The following DPY19L1 variants were observed in gnomAD, a reference collection of about 807,000 sequenced individuals.
DPY19L1 encodes the protein dpy-19 like C-mannosyltransferase 1, also known as protein C-mannosyl-transferase DPY19L1.
Under a neutral mutation model 96.9 loss-of-function variants are expected in DPY19L1, and 35 were observed. The observed-to-expected ratio is 0.36, with a 90% CI of 0.28 to 0.48. The LOEUF (loss-of-function observed/expected upper bound fraction) is 0.48. Among genes scored for constraint, DPY19L1 ranks in the 20% least tolerant of loss-of-function variants. The pLI, the probability that DPY19L1 is intolerant of heterozygous loss-of-function variation, is 0.99. For missense variants in DPY19L1, 521 were observed against 777.9 expected, an observed-to-expected ratio of 0.67 and a Z score of 3.93; for synonymous variants, 205 against 252.6, an observed-to-expected ratio of 0.81 and a Z score of 1.79.
rs372942369 is a variant in DPY19L1 at position 34,972,192 on chromosome 7, C to A, written c.914+1322G>T. On this transcript the variant is annotated intron_variant, in intron 8 of 21. Coordinates refer to ENST00000638088, the MANE Select transcript of DPY19L1 (RefSeq NM_001366673.1). ...GCTAGAAAAGCCAAGAAAATTGATT[C>A]TCTCCCCTCCCACTCTGTGCCTTCA... Among the ~76,000 whole-genome samples, 77 of 152,336 alleles carry A rather than the reference C, an allele frequency of 5.1e-4. No individual in the cohort carries two copies. In the South Asian group the frequency reaches 0.016, roughly 31 times the overall value.
Position 34,941,775 on chromosome 7 carries a change from C to T in DPY19L1, c.1679G>A (p.Cys560Tyr), listed in dbSNP as rs754508960. 18 of 1,598,994 alleles carry T rather than the reference C, an allele frequency of 1.1e-5. No individual in the cohort carries two copies. Among genetic ancestry groups the T allele is most frequent in the Non-Finnish European group, 1.5e-5 (18 of 1,176,406 alleles). ...PHMCVMASLI[C>Y]SRQLFGWLFC... ...AACATAACATGTTACCTGTCTTGAG[C>T]AGATCAGTGATGCCATAACACACAT... The change falls in exon 18 of 22, where the codon TGC becomes TAC. Residue 560 changes from cysteine (C) to tyrosine (Y), a missense_variant. Transcript: ENST00000638088.
chr7:34,958,424 TA>T (rs1784424064), intron 10 of DPY19L1, among the ~76,000 whole-genome samples: 1 of 152,242 alleles, frequency 6.6e-6, no homozygotes, highest in Non-Finnish European at 1.5e-5. Context: ...TAAGAACTGG[TA>T]AAAGTATTCT....
At chr7:34,949,562 A>G (rs1260944381) in intron 14 of DPY19L1, among the ~76,000 whole-genome samples, 7 of 152,220 alleles carry the variant, frequency 4.6e-5, no homozygotes. Flanking sequence ...TTACTCACCT[A>G]GAAAACCACT....
chr7:34,961,038 A>C (rs1455832526), intron 10 of DPY19L1, among the ~76,000 whole-genome samples: 1 of 152,188 alleles, frequency 6.6e-6, no homozygotes, highest in Admixed American at 6.5e-5. Context: ...TAAATACATG[A>C]AGTGTTATTC....
At chr7:34,962,799 G>C (rs1415772522) in intron 10 of DPY19L1, among the ~76,000 whole-genome samples, 1 of 152,186 alleles carries the variant, frequency 6.6e-6, no homozygotes, top group Non-Finnish European at 1.5e-5. Context: ...TTTATCAATT[G>C]TAACAAATGT....
rs62463585 is a variant in DPY19L1, at chr7:35,007,611, A to G, written c.764+2857T>C. On this transcript the variant is annotated intron_variant, in intron 6 of 21. Transcript: ENST00000638088. ...GTGGTGTGTGTGTGTGTGTGTGTGT[A>G]TATATATATTTATAGCAAATAGAAG... Among the ~76,000 whole-genome samples, 618 of 72,702 alleles carry G rather than the reference A, an allele frequency of 8.5e-3. 3 individuals carry two copies. The highest frequency in any genetic ancestry group is 0.027 in the African/African-American group (556 of 20,238). The allele number at this position is 72,702 out of a possible 152,430, so 47.7% of individuals were successfully genotyped here.
intron 10 of DPY19L1, among the ~76,000 whole-genome samples, chr7:34,960,374 T>C (rs958936801): frequency 7.9e-5 from 12 of 152,150 alleles, no homozygotes; most frequent in Non-Finnish European, 1.6e-4. Context: ...TATAGATTCC[T>C]GCATATTTTC....
chr7:35,001,055 T>C (rs185901692), intron 6 of DPY19L1, among the ~76,000 whole-genome samples: 1 of 152,352 alleles, frequency 6.6e-6, no homozygotes, highest in Admixed American at 6.5e-5. Context: ...TTAATATCCT[T>C]GTGTCTCAGT....
At chr7:34,998,342 C>A (rs1785340329) in intron 6 of DPY19L1, among the ~76,000 whole-genome samples, 1 of 152,172 alleles carries the variant, frequency 6.6e-6, no homozygotes, top group African/African-American at 2.4e-5. Context: ...AGAGGGGCCA[C>A]AGGAACTCTG....
At chr7:35,001,102 A>G (rs1562822284) in intron 6 of DPY19L1, among the ~76,000 whole-genome samples, 1 of 152,208 alleles carries the variant, frequency 6.6e-6, no homozygotes, top group Non-Finnish European at 1.5e-5. Context: ...ATCTCATGGG[A>G]AAACCATATG....
chr7:34,991,856 A>G (rs2128672681), intron 6 of DPY19L1, among the ~76,000 whole-genome samples: 1 of 152,372 alleles, frequency 6.6e-6, no homozygotes, highest in East Asian at 1.9e-4. Flanking sequence ...TTCCTAATCA[A>G]TGTATGTAAA....
At chr7:34,982,863 C>A (rs183278269) in intron 7 of DPY19L1, among the ~76,000 whole-genome samples, 9 of 152,262 alleles carry the variant, frequency 5.9e-5, no homozygotes, top group Admixed American at 3.3e-4. Context: ...CAATCTCACA[C>A]AGCATTTGGT....
intron 6 of DPY19L1, among the ~76,000 whole-genome samples, chr7:35,009,769 CT>C (rs888943760): frequency 6.6e-5 from 10 of 152,088 alleles, no homozygotes; most frequent in Non-Finnish European, 1.3e-4. Context: ...AGTCTACAGA[CT>C]TTTTTTACAC....
upstream of DPY19L1, chr7:35,037,872 C>T: frequency 1.6e-6 from 2 of 1,237,460 alleles, no homozygotes; most frequent in Non-Finnish European, 2.0e-6. Flanking sequence ...GGCGGACGGC[C>T]TTCCGGAGGC....
rs1784179905 is a variant in DPY19L1, at chr7:34,947,695, G to A, written c.1429C>T (p.Leu477=). The change falls in exon 15 of 22, where the codon CTG becomes TTG. Residue 477 remains leucine, a synonymous_variant. Coordinates refer to ENST00000638088, the MANE Select transcript of DPY19L1 (RefSeq NM_001366673.1). ...AGCAATAATGTCTTTGTGTATCTCAGTGGAGTCTGAAATTCAAAGAGATGT... is the reference window on the plus strand; with the variant it reads ...AGCAATAATGTCTTTGTGTATCTCAATGGAGTCTGAAATTCAAAGAGATGT... ...EFDFMEKETP[L]RYTKTLLLPV... The A allele has an allele frequency of 2.5e-6, 4 of 1,607,958 alleles. No homozygotes were observed. The South Asian group carries it at 3.4e-5, about 13-fold the overall frequency.
In DPY19L1 at chr7:34,982,893, TG is replaced by T. The variant is rs1238266420; in HGVS notation, c.822+6990del. On this transcript the variant is annotated intron_variant, in intron 7 of 21. Transcript: ENST00000638088. ...TTTGGTTTCGGGGCCTTGGCACAGC[TG>T]AATCTGGAGATGGATTAAAATTAAC... Among the ~76,000 whole-genome samples, 4 of 152,302 alleles carry T rather than the reference TG, an allele frequency of 2.6e-5. No homozygotes were observed. In the East Asian group the frequency reaches 7.7e-4, roughly 29 times the overall value.
chr7:34,960,524 G>A (rs1286697981), intron 10 of DPY19L1, among the ~76,000 whole-genome samples: 1 of 151,866 alleles, frequency 6.6e-6, no homozygotes, highest in African/African-American at 2.4e-5. Context: ...AGTTTATTTG[G>A]ATTTCTCAAG....
chr7:34,962,013 T>C (rs1255521976), intron 10 of DPY19L1, among the ~76,000 whole-genome samples: 1 of 152,198 alleles, frequency 6.6e-6, no homozygotes, highest in African/African-American at 2.4e-5. Context: ...TGCAAAATGG[T>C]ATGGCCACTT....
chr7:34,967,904 T>C (rs1404276913), intron 9 of DPY19L1, among the ~76,000 whole-genome samples: 1 of 152,170 alleles, frequency 6.6e-6, no homozygotes, highest in Admixed American at 6.5e-5. Context: ...TTAGGGTGCC[T>C]GATATGACAT....
Sources: gnomAD v4.1 joint callset for allele counts (sites outside exome capture counted in the v4.1 genomes callset) on GRCh38, gnomAD v4.1.1 for gene constraint, MANE v1.5 for transcripts, NCBI Gene and HGNC (gene_info 2026-07-23, HGNC 2026-07-21) for gene names.